The following LNP1 variants were observed in gnomAD, a reference collection of about 807,000 sequenced individuals.
LNP1 encodes leukemia NUP98 fusion partner 1.
In LNP1, 12 loss-of-function variants were observed where a neutral mutation model predicts 14.5. The observed-to-expected ratio is 0.83, with a 90% CI of 0.53 to 1.34. The LOEUF is 1.34. Among genes scored for constraint, LNP1 ranks in the 40% most tolerant of loss-of-function variants. LNP1 has a pLI of 0.00. For synonymous variants in LNP1, 75 were observed against 71.4 expected, an observed-to-expected ratio of 1.05 and a Z score of -0.26; for missense variants, 198 against 210.9, an observed-to-expected ratio of 0.94 and a Z score of 0.38.
At chr3:100,409,956 C>CATCTATCT (rs71625560) in intron 1 of LNP1, among the ~76,000 whole-genome samples, 1,927 of 149,498 alleles carry the variant, frequency 0.013, 8 homozygotes, top group East Asian at 0.015. Flanking sequence ...ACATAGCTTA[C>CATCTATCT]ATCTATCTAT....
At chr3:100,452,323 C>T (rs1707468407) in intron 3 of LNP1, among the ~76,000 whole-genome samples, 1 of 151,662 alleles carries the variant, frequency 6.6e-6, no homozygotes, top group Admixed American at 6.6e-5. Flanking sequence ...CCACCTCAGC[C>T]TCTTGAGTAG....
intron 1 of LNP1, among the ~76,000 whole-genome samples, chr3:100,427,591 G>GT (rs974303489): frequency 1.1e-4 from 17 of 152,266 alleles, no homozygotes; most frequent in South Asian, 2.1e-4. Flanking sequence ...GGTTTGGGTT[G>GT]TTTTTTTAGC....
chr3:100,453,679 G>A (rs2148909220), intron 3 of LNP1, among the ~76,000 whole-genome samples: 1 of 151,890 alleles, frequency 6.6e-6, no homozygotes, highest in African/African-American at 2.4e-5. Flanking sequence ...GCAAGAATAG[G>A]ACAAAGAATT....
At chr3:100,445,170 A>C (rs1321603967) in intron 2 of LNP1, among the ~76,000 whole-genome samples, 1 of 152,104 alleles carries the variant, frequency 6.6e-6, no homozygotes, top group Non-Finnish European at 1.5e-5. Flanking sequence ...TACTTGGGAA[A>C]CTGAGGCAGG....
chr3:100,454,782 G>A (rs1211889068), intron 3 of LNP1, among the ~76,000 whole-genome samples: 2 of 152,172 alleles, frequency 1.3e-5, no homozygotes, highest in East Asian at 1.9e-4. Flanking sequence ...TAGAGCGGCT[G>A]ACACCACTGT....
At chr3:100,431,677 T>A (rs1172130890) in intron 2 of LNP1, among the ~76,000 whole-genome samples, 1 of 152,016 alleles carries the variant, frequency 6.6e-6, no homozygotes, top group Non-Finnish European at 1.5e-5. Context: ...GAATACTTTC[T>A]ATCTCTAAAA....
rs754478397 is a variant in LNP1, at chr3:100,429,688, C to T, written c.-33-9C>T. ...CCTGTTGGGTGATATTTCCCTCTGT[C>T]GCATTTAGGGACAGGCCTTCAGTAT... On this transcript the variant is annotated splice_polypyrimidine_tract_variant and intron_variant, in intron 1 of 3. Transcript: ENST00000383693. 52 of 1,568,468 alleles carry T rather than the reference C, an allele frequency of 3.3e-5. No homozygotes were observed. The highest frequency in any genetic ancestry group is 5.2e-5 in the Admixed American group (3 of 57,266).
chr3:100,431,638 G>T (rs1006409882), intron 2 of LNP1, among the ~76,000 whole-genome samples: 13 of 152,044 alleles, frequency 8.6e-5, no homozygotes, highest in Non-Finnish European at 1.6e-4. Flanking sequence ...TCTACATAAT[G>T]CTGTATATGT....
At chr3:100,435,501 T>TA (rs1416941569) in intron 2 of LNP1, among the ~76,000 whole-genome samples, 3 of 152,154 alleles carry the variant, frequency 2.0e-5, no homozygotes, top group African/African-American at 7.2e-5. Flanking sequence ...ACTTATTTAT[T>TA]AAAAAAATAA....
At chr3:100,415,660 C>A (rs1707075882) in intron 1 of LNP1, among the ~76,000 whole-genome samples, 1 of 152,160 alleles carries the variant, frequency 6.6e-6, no homozygotes, top group African/African-American at 2.4e-5. Flanking sequence ...CAACACACTG[C>A]ACACACAAGA....
intron 2 of LNP1, among the ~76,000 whole-genome samples, chr3:100,449,698 C>T (rs1232339845): frequency 6.6e-6 from 1 of 152,050 alleles, no homozygotes; most frequent in Non-Finnish European, 1.5e-5. Flanking sequence ...CTTTTAAATA[C>T]AAACACACAC....
intron 1 of LNP1, among the ~76,000 whole-genome samples, chr3:100,403,485 A>G (rs1706933004): frequency 6.7e-6 from 1 of 149,078 alleles, no homozygotes; most frequent in African/African-American, 2.5e-5. Flanking sequence ...TTTTTTTGAG[A>G]TGGAGTTTCG....
At chr3:100,407,414 C>T (rs1706981029) in intron 1 of LNP1, among the ~76,000 whole-genome samples, 1 of 152,030 alleles carries the variant, frequency 6.6e-6, no homozygotes, top group Non-Finnish European at 1.5e-5. Context: ...TATATCATAC[C>T]ACTCTTCCCT....
chr3:100,432,772 C>T (rs905045593), intron 2 of LNP1, among the ~76,000 whole-genome samples: 21 of 152,122 alleles, frequency 1.4e-4, no homozygotes, highest in Non-Finnish European at 3.1e-4. Flanking sequence ...ATTTTTAATA[C>T]TTTTAGTCTG....
chr3:100,452,013 T>C, intron 3 of LNP1, 64 bp downstream of exon 3: 1 of 1,038,972 alleles, frequency 9.6e-7, no homozygotes, highest in South Asian at 1.6e-5. Flanking sequence ...GGTTTTGTCC[T>C]CTTTATGATT....
intron 2 of LNP1, among the ~76,000 whole-genome samples, chr3:100,447,182 A>T (rs1457487610): frequency 6.6e-6 from 1 of 152,242 alleles, no homozygotes; most frequent in Non-Finnish European, 1.5e-5. Flanking sequence ...CACAGTAGCA[A>T]AGACTTGGAA....
At chr3:100,444,886 G>A (rs544267549) in intron 2 of LNP1, among the ~76,000 whole-genome samples, 27 of 152,154 alleles carry the variant, frequency 1.8e-4, no homozygotes, top group Non-Finnish European at 2.4e-4. Flanking sequence ...TTATTAAGGC[G>A]TCAGCTAATG....
At chr3:100,422,083 G>T (rs1161038102) in intron 1 of LNP1, among the ~76,000 whole-genome samples, 1 of 151,950 alleles carries the variant, frequency 6.6e-6, no homozygotes, top group Non-Finnish European at 1.5e-5. Context: ...TTCAACAGAA[G>T]TGCTGAGGCA....
chr3:100,409,542 C>CTA (rs1252159843), intron 1 of LNP1, among the ~76,000 whole-genome samples: 24 of 141,948 alleles, frequency 1.7e-4, no homozygotes, highest in African/African-American at 5.8e-4. Context: ...CTCTCTCTCT[C>CTA]TATATATATA....
Sources: gnomAD v4.1 joint callset for allele counts (sites outside exome capture counted in the v4.1 genomes callset) on GRCh38, gnomAD v4.1.1 for gene constraint, MANE v1.5 for transcripts, NCBI Gene and HGNC (gene_info 2026-07-23, HGNC 2026-07-21) for gene names.